HDAC9: variants seen among roughly 807,000 people sequenced by gnomAD.
HDAC9 encodes the protein histone deacetylase 9, also known as MEF-2 interacting transcription repressor (MITR) protein.
A neutral mutation model predicts 139.4 loss-of-function variants in HDAC9; 41 were observed. The observed-to-expected ratio is 0.29, with a 90% CI of 0.23 to 0.38. The LOEUF (loss-of-function observed/expected upper bound fraction) is 0.38. Ranked by LOEUF, HDAC9 falls within the 10% of genes least tolerant of loss-of-function variation. The probability of loss-of-function intolerance (pLI) is 1.00; values close to 1 mark genes in which losing one functional copy is unlikely to be tolerated. For synonymous variants in HDAC9, 517 were observed against 476.2 expected (o/e 1.09, Z -1.12); for missense variants, 1,147 against 1,297.0 (o/e 0.88, Z 1.78).
rs1227216659 is a variant in HDAC9 at position 18,441,429 on chromosome 7, A to G, written c.-41-54833A>G. On this transcript the variant is annotated intron_variant, in intron 1 of 3. Coordinates refer to the HDAC9 transcript ENST00000413509. ...AAAAATGTTAAATGTTTAAATAAAT[A>G]TATTTAGAAGTATTAGGTGCATATA... 1.3e-5 allele frequency among the ~76,000 whole-genome samples: 2 copies of G among 152,350 alleles called. 1 individual carries two copies. The highest frequency in any genetic ancestry group is 4.1e-4 in the South Asian group (2 of 4,828).
intron 1 of HDAC9, among the ~76,000 whole-genome samples, chr7:18,483,546 T>A (rs1795743279): frequency 6.6e-6 from 1 of 152,132 alleles, no homozygotes; most frequent in Admixed American, 6.6e-5. Context: ...GTTTTTGGAA[T>A]GAAGGGTGGC....
intron 22 of HDAC9, among the ~76,000 whole-genome samples, chr7:18,911,441 A>C (rs1049154662): frequency 2.6e-5 from 4 of 150,966 alleles, no homozygotes; most frequent in African/African-American, 9.7e-5. Flanking sequence ...CTAATTGTCA[A>C]TTTTGTTTAT....
upstream of HDAC9, among the ~76,000 whole-genome samples, chr7:18,288,537 A>G (rs754032662): frequency 7.9e-5 from 12 of 152,316 alleles, no homozygotes; most frequent in Admixed American, 2.0e-4. Flanking sequence ...TGTTGGTAGT[A>G]GGGCAGGCAT....
intron 2 of HDAC9, among the ~76,000 whole-genome samples, chr7:18,251,359 G>A (rs562070619): frequency 1.3e-5 from 2 of 152,252 alleles, no homozygotes; most frequent in East Asian, 3.9e-4. Flanking sequence ...GCCTGTTGGA[G>A]AAGAGTGGTG....
chr7:18,700,000 C>G (rs1485134568), intron 12 of HDAC9, among the ~76,000 whole-genome samples: 1 of 151,924 alleles, frequency 6.6e-6, no homozygotes, highest in Non-Finnish European at 1.5e-5. Flanking sequence ...TTCCTCAAAG[C>G]CATGTTTTGT....
intron 2 of HDAC9, among the ~76,000 whole-genome samples, chr7:18,573,155 T>A (rs933489559): frequency 6.6e-6 from 1 of 152,236 alleles, no homozygotes; most frequent in African/African-American, 2.4e-5. Flanking sequence ...TTCCTTTTCA[T>A]TTATGCCATG....
intron 22 of HDAC9, among the ~76,000 whole-genome samples, chr7:18,930,816 A>G (rs1259219451): frequency 1.3e-5 from 2 of 152,092 alleles, no homozygotes; most frequent in African/African-American, 4.8e-5. Context: ...ATTTGGATAG[A>G]GATCAAAGAT....
intron 11 of HDAC9, among the ~76,000 whole-genome samples, chr7:18,653,332 T>C (rs1373455261): frequency 2.0e-5 from 3 of 151,990 alleles, no homozygotes; most frequent in Non-Finnish European, 4.4e-5. Flanking sequence ...GAAATAAAAT[T>C]TGAGTTAATT....
chr7:18,108,573 C>T (rs990364659), intron 1 of HDAC9, among the ~76,000 whole-genome samples: 1 of 147,874 alleles, frequency 6.8e-6, no homozygotes, highest in African/African-American at 2.5e-5. Flanking sequence ...TATTCCTGAA[C>T]ATACTTTAAA....
intron 22 of HDAC9, among the ~76,000 whole-genome samples, chr7:18,899,816 C>A (rs1046327966): frequency 2.0e-5 from 3 of 152,114 alleles, no homozygotes; most frequent in Non-Finnish European, 1.5e-5. Flanking sequence ...TAACTTTTAA[C>A]AAGCTTCATA....
At chr7:18,176,199 A>C (rs1029728127) in intron 2 of HDAC9, among the ~76,000 whole-genome samples, 1 of 152,198 alleles carries the variant, frequency 6.6e-6, no homozygotes, top group African/African-American at 2.4e-5. Context: ...AAAGCTGGTG[A>C]CAGTTTTTCG....
chr7:18,813,666 CT>C (rs1297666510), intron 17 of HDAC9, among the ~76,000 whole-genome samples: 1 of 152,154 alleles, frequency 6.6e-6, no homozygotes, highest in East Asian at 1.9e-4. Context: ...TATACATTTA[CT>C]TTGTGGGAAA....
intron 1 of HDAC9, among the ~76,000 whole-genome samples, chr7:18,456,531 A>C (rs1310747168): frequency 6.6e-6 from 1 of 152,166 alleles, no homozygotes; most frequent in Non-Finnish European, 1.5e-5. Context: ...AACCAAGCCC[A>C]GCCCACCTTT....
intron 12 of HDAC9, among the ~76,000 whole-genome samples, chr7:18,690,019 T>C (rs1277232817): frequency 6.6e-6 from 1 of 152,032 alleles, no homozygotes; most frequent in Non-Finnish European, 1.5e-5. Flanking sequence ...TTTCATCAAA[T>C]GGCCTAAGCA....
chr7:18,199,962 T>C (rs1437020947), intron 2 of HDAC9, among the ~76,000 whole-genome samples: 1 of 151,692 alleles, frequency 6.6e-6, no homozygotes, highest in Non-Finnish European at 1.5e-5. Flanking sequence ...AAAAAAATAA[T>C]AAGATGTATG....
chr7:18,880,049 A>G (rs185891204), intron 22 of HDAC9, among the ~76,000 whole-genome samples: 47 of 152,320 alleles, frequency 3.1e-4, no homozygotes, highest in African/African-American at 1.1e-3. Flanking sequence ...CAACAAGCAT[A>G]TGAAAAAAGG....
intron 2 of HDAC9, among the ~76,000 whole-genome samples, chr7:18,283,652 G>A (rs528414184): frequency 6.6e-6 from 1 of 152,054 alleles, no homozygotes; most frequent in African/African-American, 2.4e-5. Context: ...TTTCATTTTT[G>A]TTAAGCATGT....
intron 12 of HDAC9, among the ~76,000 whole-genome samples, chr7:18,693,348 G>A (rs928698458): frequency 2.0e-5 from 3 of 152,106 alleles, no homozygotes; most frequent in African/African-American, 4.8e-5. Context: ...TTAATTATTA[G>A]ATACAGAAAA....
intron 24 of HDAC9, among the ~76,000 whole-genome samples, chr7:18,974,058 C>T (rs186076410): frequency 2.0e-5 from 3 of 152,274 alleles, no homozygotes; most frequent in African/African-American, 7.2e-5. Flanking sequence ...CCATCCCACT[C>T]CAGACTCTTC....
Sources: gnomAD v4.1 joint callset for allele counts (sites outside exome capture counted in the v4.1 genomes callset) on GRCh38, gnomAD v4.1.1 for gene constraint, MANE v1.5 for transcripts, NCBI Gene and HGNC (gene_info 2026-07-23, HGNC 2026-07-21) for gene names.